MAPRE2: variants seen among roughly 807,000 people sequenced by gnomAD.
The protein encoded by MAPRE2 is microtubule-associated protein RP/EB family member 2.
In MAPRE2, 13 loss-of-function variants were observed where a neutral mutation model predicts 43.2. The observed-to-expected ratio is 0.30, with a 90% CI of 0.20 to 0.48. The LOEUF (loss-of-function observed/expected upper bound fraction) is 0.48. Ranked by LOEUF, MAPRE2 falls within the 20% of genes least tolerant of loss-of-function variation. The pLI is 0.99. For missense variants in MAPRE2, 161 were observed against 400.2 expected, an observed-to-expected ratio of 0.40 and a Z score of 5.10; for synonymous variants, 135 against 148.8, an observed-to-expected ratio of 0.91 and a Z score of 0.68.
At chr18:35,055,828 G>A (rs1328563233) in intron 1 of MAPRE2, among the ~76,000 whole-genome samples, 1 of 151,988 alleles carries the variant, frequency 6.6e-6, no homozygotes, top group African/African-American at 2.4e-5. Flanking sequence ...GGTGGTGCCA[G>A]CCTGTAATCC....
chr18:35,114,613 G>C (rs1047490177), intron 4 of MAPRE2, among the ~76,000 whole-genome samples: 8 of 152,102 alleles, frequency 5.3e-5, no homozygotes, highest in Non-Finnish European at 8.8e-5. Flanking sequence ...CGTGTGAATG[G>C]TCTGGGTGAT....
chr18:35,030,827 G>A (rs545207839), intron 2 of MAPRE2, among the ~76,000 whole-genome samples: 12 of 152,002 alleles, frequency 7.9e-5, no homozygotes, highest in Admixed American at 1.3e-4. Flanking sequence ...CCCACAATAC[G>A]CACACATTCA....
At chr18:34,992,305 C>A (rs2097024226) in intron 1 of MAPRE2, among the ~76,000 whole-genome samples, 1 of 152,220 alleles carries the variant, frequency 6.6e-6, no homozygotes, top group Non-Finnish European at 1.5e-5. Context: ...TTGTCTCCAA[C>A]TACCCCTCTT....
At chr18:35,057,507 CGTGT>C (rs58171272) in intron 1 of MAPRE2, among the ~76,000 whole-genome samples, 14 of 149,408 alleles carry the variant, frequency 9.4e-5, no homozygotes, top group South Asian at 2.1e-4. Flanking sequence ...GGAGTGTGTG[CGTGT>C]GTGTGTGTGT....
intron 4 of MAPRE2, 31 bp from the exon 5 acceptor site, chr18:35,126,917 A>G: frequency 6.2e-7 from 1 of 1,603,176 alleles, no homozygotes; most frequent in Non-Finnish European, 8.5e-7. Context: ...TAATATTGCC[A>G]GTATTTATCA....
chr18:34,991,172 C>T (rs999766288), intron 1 of MAPRE2, among the ~76,000 whole-genome samples: 4 of 152,154 alleles, frequency 2.6e-5, no homozygotes, highest in Admixed American at 6.5e-5. Context: ...TCCACCTCCT[C>T]CTGCCTCTTT....
At chr18:35,091,718 G>A (rs1400450315) in intron 2 of MAPRE2, among the ~76,000 whole-genome samples, 2 of 151,314 alleles carry the variant, frequency 1.3e-5, no homozygotes, top group Admixed American at 1.3e-4. Flanking sequence ...CTCTCCCACG[G>A]CATCTGTATT....
Position 35,132,053 on chromosome 18 carries a change from C to A in MAPRE2, c.772C>A (p.Leu258Ile), listed in dbSNP as rs759069184. The A allele has an allele frequency of 1.2e-6, 2 of 1,614,122 alleles. No homozygotes were observed. The highest frequency in any genetic ancestry group is 1.7e-6 in the Non-Finnish European group (2 of 1,180,024). Residue 258 changes from leucine to isoleucine, a missense_variant, in exon 6 of 7, where the codon CTT becomes ATT. Physicochemically the swap from Leu to Ile is conservative, Grantham distance 5. Coordinates refer to ENST00000300249, the MANE Select transcript of MAPRE2 (RefSeq NM_014268.4). ...GCAGGTACATTCATTAAAACTTGCC[C>A]TTGAAGGCGTGGAAAAGGAAAGGGA... Reference protein sequence around the residue: ...NEQVHSLKLALEGVEKERDFY... With the variant: ...NEQVHSLKLAIEGVEKERDFY...
chr18:35,032,091 T>C (rs1174696843), intron 2 of MAPRE2, among the ~76,000 whole-genome samples: 1 of 152,172 alleles, frequency 6.6e-6, no homozygotes, highest in Admixed American at 6.5e-5. Context: ...GCTATCATTT[T>C]GGGTGTGGAG....
intron 2 of MAPRE2, among the ~76,000 whole-genome samples, chr18:35,022,593 G>T (rs188469503): frequency 6.6e-6 from 1 of 152,236 alleles, no homozygotes; most frequent in East Asian, 1.9e-4. Flanking sequence ...TTAATGAGAG[G>T]ATTATATTGC....
intron 1 of MAPRE2, among the ~76,000 whole-genome samples, chr18:35,069,206 A>G (rs994704869): frequency 5.9e-5 from 9 of 152,334 alleles, no homozygotes; most frequent in Admixed American, 3.9e-4. Flanking sequence ...AGGAAAGATT[A>G]GAAATAGAGA....
intron 1 of MAPRE2, among the ~76,000 whole-genome samples, chr18:35,061,085 C>T (rs1163361459): frequency 1.1e-5 from 1 of 90,620 alleles, no homozygotes; most frequent in Non-Finnish European, 2.4e-5. Flanking sequence ...TATTAGCTGT[C>T]GTTAGGAGTT....
chr18:35,015,630 G>T (rs1276860206), intron 2 of MAPRE2, among the ~76,000 whole-genome samples: 1 of 131,284 alleles, frequency 7.6e-6, no homozygotes, highest in Non-Finnish European at 1.6e-5. Flanking sequence ...GTATAGGGAT[G>T]GCAGTGTGTG....
intron 1 of MAPRE2, among the ~76,000 whole-genome samples, chr18:34,985,709 T>C (rs2097020555): frequency 7.8e-6 from 1 of 128,996 alleles, no homozygotes; most frequent in Non-Finnish European, 1.6e-5. Flanking sequence ...TATATAAATA[T>C]ATATCATATA....
At chr18:34,982,885 A>G (rs1310363997) in intron 1 of MAPRE2, among the ~76,000 whole-genome samples, 1 of 152,206 alleles carries the variant, frequency 6.6e-6, no homozygotes, top group African/African-American at 2.4e-5. Context: ...AAAATATCCA[A>G]AGAAGAAAAT....
chr18:34,978,444 T>G, intron 1 of MAPRE2: 1 of 1,400,638 alleles, frequency 7.1e-7, no homozygotes, highest in South Asian at 1.2e-5. Context: ...CGGTTGCGAT[T>G]GTGGTCAGAC....
At chr18:35,120,112 G>A (rs1055397074) in intron 4 of MAPRE2, among the ~76,000 whole-genome samples, 1 of 152,146 alleles carries the variant, frequency 6.6e-6, no homozygotes, top group African/African-American at 2.4e-5. Context: ...AGTGGAGCTG[G>A]GACCCCTAAG....
intron 2 of MAPRE2, among the ~76,000 whole-genome samples, chr18:35,090,976 AT>A (rs2144150907): frequency 6.6e-6 from 1 of 152,306 alleles, no homozygotes; most frequent in East Asian, 1.9e-4. Context: ...TACCAAAAAA[AT>A]GAGACACCTA....
chr18:35,031,091 G>A (rs557988051), intron 2 of MAPRE2, among the ~76,000 whole-genome samples: 1 of 152,260 alleles, frequency 6.6e-6, no homozygotes, highest in South Asian at 2.1e-4. Context: ...TGCTTTAGTT[G>A]TCTCTATAGC....
Sources: gnomAD v4.1 joint callset for allele counts (sites outside exome capture counted in the v4.1 genomes callset) on GRCh38, gnomAD v4.1.1 for gene constraint, MANE v1.5 for transcripts, NCBI Gene and HGNC (gene_info 2026-07-23, HGNC 2026-07-21) for gene names.